Variants in RIPOR3 observed in about 807,000 individuals in gnomAD.
RIPOR3 encodes RIPOR family member 3.
RIPOR3 carries 95 observed loss-of-function variants against 114.3 expected under a neutral mutation model. The ratio of observed to expected loss-of-function variants is 0.83; its 90% CI spans 0.70 to 0.99. The LOEUF (loss-of-function observed/expected upper bound fraction) is 0.99. Among genes scored for constraint, RIPOR3 ranks in the 50% least tolerant of loss-of-function variants. The pLI, the probability that RIPOR3 is intolerant of heterozygous loss-of-function variation, is 0.00. For missense variants in RIPOR3, 1,252 were observed against 1,266.9 expected (o/e 0.99, Z 0.18); for synonymous variants, 575 against 543.8 (o/e 1.06, Z -0.80).
intron 6 of RIPOR3, among the ~76,000 whole-genome samples, chr20:50,610,314 G>A (rs981449738): frequency 1.1e-4 from 17 of 152,176 alleles, no homozygotes; most frequent in South Asian, 2.1e-4. Context: ...GCAAAAATGA[G>A]TGAAAGGGAC....
At chr20:50,606,241 C>T (rs978178195) in intron 11 of RIPOR3, among the ~76,000 whole-genome samples, 10 of 152,278 alleles carry the variant, frequency 6.6e-5, no homozygotes, top group South Asian at 2.1e-4. Context: ...AGACTCTGAC[C>T]GCCCTGAGGG....
intron 6 of RIPOR3, among the ~76,000 whole-genome samples, 188 bp from the exon 7 acceptor site, chr20:50,609,910 A>G (rs1486762159): frequency 6.6e-6 from 1 of 150,504 alleles, no homozygotes; most frequent in Non-Finnish European, 1.5e-5. Context: ...TAGAACATGA[A>G]CCCCCATAGG....
chr20:50,609,350 A>C lies in RIPOR3; in HGVS notation c.583T>G (p.Trp195Gly), dbSNP rs199610329. The change falls in exon 8 of 22, where the codon TGG becomes GGG. Residue 195 changes from tryptophan to glycine, a missense_variant. Trp to Gly is a radical substitution (Grantham distance 184). Transcript: ENST00000327979. ...ACCTCCAGGGCCCCCTCGATGAGCC[A>C]CATGTCCTGCAAAGCCCCGGAGGTG... ...RSLHECAEDM[W>G]LIEGALEVHL... is the part of the protein sequence containing the mutation. 1.0e-4 allele frequency: 163 copies of C among 1,613,614 alleles called. No homozygotes were observed. Among genetic ancestry groups the C allele is most frequent in the Non-Finnish European group, 1.3e-4 (159 of 1,179,776 alleles).
chr20:50,624,968 G>A (rs1427477096), intron 2 of RIPOR3, among the ~76,000 whole-genome samples: 1 of 152,228 alleles, frequency 6.6e-6, no homozygotes, highest in Non-Finnish European at 1.5e-5. Context: ...AAGGACGTGA[G>A]CCAACCATTT....
At position 50,609,277 on chromosome 20, in the gene RIPOR3, C is replaced by G. The variant is rs777925594; in HGVS notation, c.640+16G>C. On this transcript the variant is annotated intron_variant, in intron 8 of 21. Transcript: ENST00000327979. ...CTCCAGAAAGGCCTCCGCCCACCCCCTCTCAGCCCTGTTACCTTTCATCCT... is the reference window on the plus strand; with the variant it reads ...CTCCAGAAAGGCCTCCGCCCACCCCGTCTCAGCCCTGTTACCTTTCATCCT... 6.2e-7 allele frequency: 1 copy of G among 1,613,266 alleles called. No homozygotes were observed. Among genetic ancestry groups the G allele is most frequent in the Admixed American group, 1.7e-5 (1 of 59,898 alleles).
At chr20:50,594,431 G>A (rs1050504163) in intron 17 of RIPOR3, 122 bp downstream of exon 17, 2 of 1,200,608 alleles carry the variant, frequency 1.7e-6, no homozygotes, top group African/African-American at 1.5e-5. Flanking sequence ...TCCGTCCGAT[G>A]GCATGAAGAC....
At chr20:50,687,382 C>A (rs1382179209) in intron 1 of RIPOR3, among the ~76,000 whole-genome samples, 1 of 152,174 alleles carries the variant, frequency 6.6e-6, no homozygotes, top group Non-Finnish European at 1.5e-5. Context: ...GCATCCAAGG[C>A]CCATGCCTGG....
intron 2 of RIPOR3, among the ~76,000 whole-genome samples, chr20:50,626,628 C>T (rs1471693446): frequency 6.6e-6 from 1 of 152,230 alleles, no homozygotes; most frequent in African/African-American, 2.4e-5. Flanking sequence ...TTCAGAGGCC[C>T]CCACAGGCCT....
rs1568964701 is a variant in RIPOR3, at chr20:50,679,135, AAT to A, written c.3+11989_3+11990del. ...AAAAAAAAAAAAAAAAAAAAAAAAAAATATATATATATATACACACACACACA... is the reference window on the plus strand; with the variant it reads ...AAAAAAAAAAAAAAAAAAAAAAAAAAATATATATATATACACACACACACA... On this transcript the variant is annotated intron_variant, in intron 1 of 21. Coordinates refer to ENST00000327979, the MANE Select transcript of RIPOR3 (RefSeq NM_001290268.2). 3.9e-3 allele frequency among the ~76,000 whole-genome samples: 82 copies of A among 20,774 alleles called. 2 individuals carry two copies. The highest frequency in any genetic ancestry group is 0.01 in the African/African-American group (78 of 7,714). The allele number at this position is 20,774 out of a possible 152,430, so 13.6% of individuals were successfully genotyped here.
At chr20:50,609,776 A>G in intron 6 of RIPOR3, 54 bp from the exon 7 acceptor site, 1 of 1,349,850 alleles carries the variant, frequency 7.4e-7, no homozygotes, top group East Asian at 3.0e-5. Flanking sequence ...GCGGCCCCAC[A>G]CCTGCCTGTC....
At chr20:50,646,623 C>T (rs1485823335) in intron 1 of RIPOR3, among the ~76,000 whole-genome samples, 3 of 152,178 alleles carry the variant, frequency 2.0e-5, no homozygotes, top group Non-Finnish European at 2.9e-5. Flanking sequence ...CTCTACCAGC[C>T]ACTATAAATG....
At chr20:50,619,868 G>A (rs2084331282) in intron 3 of RIPOR3, 118 bp downstream of exon 3, 9 of 1,345,626 alleles carry the variant, frequency 6.7e-6, no homozygotes, top group Non-Finnish European at 9.1e-6. Context: ...CGAATGACCA[G>A]GAACTTAACC....
intron 1 of RIPOR3, among the ~76,000 whole-genome samples, chr20:50,658,326 A>G (rs1387876317): frequency 2.6e-5 from 4 of 152,236 alleles, no homozygotes; most frequent in Non-Finnish European, 5.9e-5. Context: ...AGACATTATG[A>G]TAAGAAAATA....
At chr20:50,684,449 G>A (rs2086951785) in intron 1 of RIPOR3, among the ~76,000 whole-genome samples, 1 of 152,246 alleles carries the variant, frequency 6.6e-6, no homozygotes, top group Non-Finnish European at 1.5e-5. Flanking sequence ...GATAAGGTTA[G>A]AGAGGCCTGG....
chr20:50,627,350 A>G (rs2084657125), intron 2 of RIPOR3, among the ~76,000 whole-genome samples: 3 of 151,136 alleles, frequency 2.0e-5, no homozygotes, highest in Admixed American at 1.3e-4. Context: ...AAAATACAAA[A>G]AAAAAAAAAA....
At chr20:50,652,678 C>T (rs1363253748) in intron 1 of RIPOR3, among the ~76,000 whole-genome samples, 1 of 151,830 alleles carries the variant, frequency 6.6e-6, no homozygotes, top group Non-Finnish European at 1.5e-5. Flanking sequence ...CTCTCTATAC[C>T]CATAAGCACA....
chr20:50,596,774 C>T (rs929834448), intron 14 of RIPOR3, among the ~76,000 whole-genome samples: 2 of 152,156 alleles, frequency 1.3e-5, no homozygotes, highest in Admixed American at 6.5e-5. Context: ...TTGTGAGAGG[C>T]GAGGAGAAGG....
intron 1 of RIPOR3, among the ~76,000 whole-genome samples, chr20:50,670,682 T>C (rs2123525032): frequency 6.6e-6 from 1 of 152,288 alleles, no homozygotes. Flanking sequence ...AGGCGCTCAG[T>C]AAACACCCAT....
chr20:50,593,016 C>T lies in RIPOR3; in HGVS notation c.2374+19G>A. The T allele has an allele frequency of 6.2e-7, 1 of 1,612,674 alleles. No homozygotes were observed. The highest frequency in any genetic ancestry group is 8.5e-7 in the Non-Finnish European group (1 of 1,179,458). On this transcript the variant is annotated intron_variant, in intron 18 of 21. Transcript: ENST00000327979. ...CGTGGATATTCCTCTGCTATGACAGCCACCCACCCCAGTCTTACCTTCCTT... is the reference window on the plus strand; with the variant it reads ...CGTGGATATTCCTCTGCTATGACAGTCACCCACCCCAGTCTTACCTTCCTT...
Sources: allele counts gnomAD v4.1 joint callset (sites outside exome capture counted in the v4.1 genomes callset), GRCh38; gene constraint gnomAD v4.1.1; transcripts MANE v1.5; gene names NCBI Gene and HGNC (gene_info 2026-07-23, HGNC 2026-07-21).